Variants in MICB observed in about 807,000 individuals in gnomAD.
MICB encodes MHC class I antigen-related protein B.
In MICB, 27 loss-of-function variants were observed where a neutral mutation model predicts 34.3. That is an observed-to-expected ratio of 0.79 (90% CI 0.58 to 1.08). The LOEUF is 1.08. Among genes scored for constraint, MICB ranks in the 50% least tolerant of loss-of-function variants. MICB has a pLI of 0.00. For missense variants in MICB, 426 were observed against 483.1 expected (o/e 0.88, Z 1.11); for synonymous variants, 153 against 187.4 (o/e 0.82, Z 1.50).
Position 31,507,128 on chromosome 6 carries a change from T to C in MICB, c.720T>C (p.Arg240=). ...FYPRNITLTW[R]QDGVSLSHNT... The stretch of plus-strand genomic sequence containing the variant: ...CCCGGAATATCACACTGACCTGGCG[T>C]CAGGATGGGGTATCTTTGAGCCACA... Residue 240 remains arginine, a synonymous_variant, in exon 4 of 6, where the codon CGT becomes CGC. Coordinates refer to ENST00000252229, the MANE Select transcript of MICB (RefSeq NM_005931.5). This position sits in a 1 kb window ranked among gnomAD's most constrained non-coding sequence, Gnocchi z 6.0. 4 of 1,613,976 alleles carry C rather than the reference T, an allele frequency of 2.5e-6. No homozygotes were observed. Among genetic ancestry groups the C allele is most frequent in the Non-Finnish European group, 3.4e-6 (4 of 1,179,954 alleles).
At chr6:31,499,450 A>C (rs1334035321) in intron 1 of MICB, among the ~76,000 whole-genome samples, 2 of 146,056 alleles carry the variant, frequency 1.4e-5, no homozygotes, top group East Asian at 2.1e-4. Context: ...TGCCTCCTTT[A>C]TGGGCCTTTC....
At chr6:31,495,804 T>G (rs767264443), upstream of MICB, among the ~76,000 whole-genome samples, 5 of 152,092 alleles carry the variant, frequency 3.3e-5, no homozygotes, top group Non-Finnish European at 5.9e-5. Flanking sequence ...GGAGGATTGC[T>G]TGAGCCCAGG....
chr6:31,506,405 A>G lies in MICB; in HGVS notation c.588A>G (p.Lys196=). ...DCLQKLQRYL[K]SGVAIRRTVP... is the part of the protein sequence containing the mutation. ...TGCAGAAACTACAGCGATATCTGAAATCCGGGGTGGCCATCAGGAGAACAG... is the reference window on the plus strand; with the variant it reads ...TGCAGAAACTACAGCGATATCTGAAGTCCGGGGTGGCCATCAGGAGAACAG... Residue 196 remains lysine (K), a synonymous_variant, in exon 3 of 6, where the codon AAA becomes AAG. Transcript: ENST00000252229. The G allele has an allele frequency of 6.2e-7, 1 of 1,614,026 alleles. No homozygotes were observed. Among genetic ancestry groups the G allele is most frequent in the South Asian group, 1.1e-5 (1 of 91,082 alleles).
chr6:31,498,327 G>T, intron 1 of MICB, 64 bp downstream of exon 1: 2 of 1,391,356 alleles, frequency 1.4e-6, no homozygotes, highest in Non-Finnish European at 1.9e-6. Flanking sequence ...GGGGGTCCGG[G>T]TGGGTTGCCG....
chr6:31,507,658 A>T lies in MICB; in HGVS notation c.1024+127A>T. 1.7e-6 allele frequency: 2 copies of T among 1,181,558 alleles called. No homozygotes were observed. Among genetic ancestry groups the T allele is most frequent in the Non-Finnish European group, 2.4e-6 (2 of 826,460 alleles). 73.2% of individuals were successfully genotyped at this position (1,181,558 alleles called of 1,614,324 possible). A position where few individuals can be genotyped will look rare whatever the true frequency, so the allele number is the denominator to read the frequency against. On this transcript the variant is annotated intron_variant, in intron 5 of 5. Coordinates refer to ENST00000252229, the MANE Select transcript of MICB (RefSeq NM_005931.5). The surrounding 1 kb of genome is among the most constrained non-coding windows in gnomAD (Gnocchi z 6.0). ...TGGGACAGGGGATGGAAGCTGGGGT[A>T]TTTGGGAGGGGAATGGGAGCTGCAT...
At chr6:31,504,366 T>C (rs1002272587) in intron 1 of MICB, among the ~76,000 whole-genome samples, 25 of 143,114 alleles carry the variant, frequency 1.7e-4, no homozygotes, top group African/African-American at 6.3e-4. Flanking sequence ...TTCATGCCAT[T>C]CTCCCGCCTC....
At chr6:31,506,552 T>C in intron 3 of MICB, 122 bp downstream of exon 3, 1 of 1,103,308 alleles carries the variant, frequency 9.1e-7, no homozygotes, top group South Asian at 1.6e-5. Flanking sequence ...GTTGGCATAT[T>C]GTGTCCTGAT....
In MICB at chr6:31,507,193, G is replaced by A; in HGVS notation, c.785G>A (p.Gly262Glu). The part of the protein sequence containing the change: ...QWGDVLPDGN[G>E]TYQTWVATRI... ...GGGGATGTCCTGCCTGATGGGAATGGAACCTACCAGACCTGGGTGGCCACC... is the reference window on the plus strand; with the variant it reads ...GGGGATGTCCTGCCTGATGGGAATGAAACCTACCAGACCTGGGTGGCCACC... The change falls in exon 4 of 6, where the codon GGA (glycine) becomes GAA (glutamate). Residue 262 changes from glycine (G) to glutamate (E), a missense_variant. Coordinates refer to ENST00000252229, the MANE Select transcript of MICB (RefSeq NM_005931.5). This position sits in a 1 kb window ranked among gnomAD's most constrained non-coding sequence, Gnocchi z 6.0. 3 of 1,614,112 alleles carry A rather than the reference G, an allele frequency of 1.9e-6. No homozygotes were observed. The highest frequency in any genetic ancestry group is 2.5e-6 in the Non-Finnish European group (3 of 1,180,004).
At chr6:31,503,596 G>A (rs1244346927) in intron 1 of MICB, among the ~76,000 whole-genome samples, 3 of 151,844 alleles carry the variant, frequency 2.0e-5, no homozygotes, top group East Asian at 3.8e-4. Context: ...ATAATATTTC[G>A]AGGTTCATCC....
intron 1 of MICB, among the ~76,000 whole-genome samples, chr6:31,503,949 C>CTGTGTGTGTGTG (rs9279324): frequency 1.7e-3 from 170 of 97,586 alleles, no homozygotes; most frequent in Non-Finnish European, 1.6e-3. Context: ...GCCAAACTTG[C>CTGTGTGTGTGTG]TGTGTGTGTG....
chr6:31,505,735 A>T lies in MICB; in HGVS notation c.189A>T (p.Lys63Asn). ...GQPFLRYDRQ[K>N]RRAKPQGQWA... ...CCTTCCTGCGCTATGACAGGCAGAA[A>T]CGCAGGGCAAAGCCCCAGGGACAGT... is the stretch of plus-strand genomic sequence containing the variant. Residue 63 changes from lysine (K) to asparagine (N), a missense_variant, in exon 2 of 6, where the codon AAA becomes AAT. Lys to Asn is a moderately conservative substitution (Grantham distance 94, BLOSUM62 0). Coordinates refer to ENST00000252229, the MANE Select transcript of MICB (RefSeq NM_005931.5). The T allele has an allele frequency of 6.2e-7, 1 of 1,613,152 alleles. No individual in the cohort carries two copies. The highest frequency in any genetic ancestry group is 8.5e-7 in the Non-Finnish European group (1 of 1,180,034).
In MICB at chr6:31,506,173, G is replaced by A. The variant is rs1765311306; in HGVS notation, c.356G>A (p.Cys119Tyr). Reference sequence around the variant, plus strand: ...CATTCCCTCCAGGAGATTAGGGTCTGTGAGATCCATGAAGACAGCAGCACC... The same window carrying A: ...CATTCCCTCCAGGAGATTAGGGTCTATGAGATCCATGAAGACAGCAGCACC... ...GLHSLQEIRV[C>Y]EIHEDSSTRG... The change falls in exon 3 of 6, where the codon TGT becomes TAT. Residue 119 changes from cysteine to tyrosine, a missense_variant. Cys to Tyr is a radical substitution (Grantham distance 194, BLOSUM62 -2). Transcript: ENST00000252229. 6.2e-7 allele frequency: 1 copy of A among 1,614,022 alleles called. No homozygotes were observed. Among genetic ancestry groups the A allele is most frequent in the Non-Finnish European group, 8.5e-7 (1 of 1,179,956 alleles).
At chr6:31,497,056 G>A (rs1479064670), upstream of MICB, among the ~76,000 whole-genome samples, 1 of 152,210 alleles carries the variant, frequency 6.6e-6, no homozygotes, top group African/African-American at 2.4e-5. Context: ...GGGCGCTGTG[G>A]GTGGCTTGGA....
chr6:31,498,286 C>A, intron 1 of MICB, 23 bp downstream of exon 1: 4 of 1,531,970 alleles, frequency 2.6e-6, no homozygotes, highest in Non-Finnish European at 3.5e-6. Context: ...CCTGGCGGTC[C>A]CCGGCGGAGC....
At chr6:31,509,705 T>A in intron 5 of MICB, 77 bp from the exon 6 acceptor site, 1 of 1,462,476 alleles carries the variant, frequency 6.8e-7, no homozygotes, top group Non-Finnish European at 9.1e-7. Flanking sequence ...TTGGGGCAAC[T>A]GAAGAGAGAA....
At chr6:31,499,555 G>C (rs957815151) in intron 1 of MICB, among the ~76,000 whole-genome samples, 1 of 151,778 alleles carries the variant, frequency 6.6e-6, no homozygotes, top group Non-Finnish European at 1.5e-5. Flanking sequence ...GTCCGGGGGG[G>C]TCTTCCCTCC....
At chr6:31,508,850 C>T (rs1765504510) in intron 5 of MICB, among the ~76,000 whole-genome samples, 1 of 152,162 alleles carries the variant, frequency 6.6e-6, no homozygotes, top group Non-Finnish European at 1.5e-5. Flanking sequence ...TTAAATAAAA[C>T]AGGAACTCAA....
intron 5 of MICB, 126 bp from the exon 6 acceptor site, chr6:31,509,656 G>T: frequency 8.3e-7 from 1 of 1,209,680 alleles, no homozygotes. Context: ...GAAAAAAGTG[G>T]GGGCCTCATC....
In MICB at chr6:31,510,590, G is replaced by A. The variant is rs1302732844; in HGVS notation, c.*681G>A. 1 of 151,982 alleles carries A rather than the reference G, an allele frequency of 6.6e-6. No homozygotes were observed. The highest frequency in any genetic ancestry group is 1.5e-5 in the Non-Finnish European group (1 of 68,096). 9.4% of individuals were successfully genotyped at this position (151,982 alleles called of 1,614,324 possible). A position where few individuals can be genotyped will look rare whatever the true frequency, so the allele number is the denominator to read the frequency against. ...AGACAGAGTCTCACTCTGTCACCCA[G>A]GCTGCAGTTCACTGGTGTGATCTCA... On this transcript the variant is annotated 3_prime_UTR_variant, in exon 6 of 6. Transcript: ENST00000252229.
Sources: gnomAD v4.1 joint callset for allele counts (sites outside exome capture counted in the v4.1 genomes callset) on GRCh38, gnomAD v4.1.1 for gene constraint, Gnocchi (gnomAD v3.1) non-coding constraint, MANE v1.5 for transcripts, NCBI Gene and HGNC (gene_info 2026-07-23, HGNC 2026-07-21) for gene names.